Variants in CNDP1 observed in about 807,000 individuals in gnomAD.
CNDP1 encodes the protein beta-Ala-His dipeptidase.
A neutral mutation model predicts 58.1 loss-of-function variants in CNDP1; 44 were observed. The observed-to-expected ratio is 0.76, with a 90% CI of 0.60 to 0.97. The LOEUF (loss-of-function observed/expected upper bound fraction) is 0.97. CNDP1 is among the 50% of genes least tolerant of loss of function. The pLI is 0.00. For missense variants in CNDP1, 616 were observed against 655.1 expected (o/e 0.94, Z 0.65); for synonymous variants, 254 against 252.6 (o/e 1.01, Z -0.05).
chr18:74,583,448 A>G, intron 10 of CNDP1, 113 bp from the exon 11 acceptor site: 2 of 858,986 alleles, frequency 2.3e-6, no homozygotes, highest in East Asian at 2.5e-5. Context: ...GTAAAAAAAG[A>G]AAGATTAACA....
chr18:74,575,831 ATGTGTGTG>A (rs386388202), intron 7 of CNDP1, among the ~76,000 whole-genome samples: 6 of 94,264 alleles, frequency 6.4e-5, no homozygotes, highest in African/African-American at 1.2e-4. Context: ...GTGTGTATAC[ATGTGTGTG>A]TGTGTGTGTG....
chr18:74,575,736 TGCGTGTGTGC>T (rs1981615105), intron 7 of CNDP1, among the ~76,000 whole-genome samples: 1 of 152,178 alleles, frequency 6.6e-6, no homozygotes, highest in Admixed American at 6.5e-5. Flanking sequence ...TGTGTGTGTG[TGCGTGTGTGC>T]GCGTGTGTGA....
chr18:74,563,318 G>A (rs1165274073), intron 5 of CNDP1, among the ~76,000 whole-genome samples: 1 of 151,862 alleles, frequency 6.6e-6, no homozygotes, highest in Admixed American at 6.6e-5. Context: ...CTGAGCATTC[G>A]ATGTGGCCTT....
rs185401033 is a variant in CNDP1 at position 74,568,468 on chromosome 18, A to G, written c.756+1035A>G. On this transcript the variant is annotated intron_variant, in intron 6 of 11. Coordinates refer to ENST00000358821, the MANE Select transcript of CNDP1 (RefSeq NM_032649.6). Reference sequence around the variant, plus strand: ...GCTTTCAAGAAACATGGCTGTGAAAAGTGGGAGACAGCTGGGATGATGGCT... The same window carrying G: ...GCTTTCAAGAAACATGGCTGTGAAAGGTGGGAGACAGCTGGGATGATGGCT... 4.2e-3 allele frequency among the ~76,000 whole-genome samples: 647 copies of G among 152,302 alleles called. 7 individuals are homozygous for G. The highest frequency in any genetic ancestry group is 6.9e-3 in the Non-Finnish European group (472 of 68,028).
intron 9 of CNDP1, among the ~76,000 whole-genome samples, chr18:74,578,861 T>C (rs924461754): frequency 2.0e-5 from 3 of 152,152 alleles, no homozygotes; most frequent in African/African-American, 7.2e-5. Context: ...AATTAACACT[T>C]TGGAAGCAGT....
intron 2 of CNDP1, 49 bp downstream of exon 2, chr18:74,556,515 C>G (rs1274797517): frequency 6.2e-7 from 1 of 1,604,394 alleles, no homozygotes; most frequent in Non-Finnish European, 8.5e-7. Flanking sequence ...TGGATTATAT[C>G]CTTTGGTATT....
chr18:74,577,522 T>C (rs1981663461), intron 8 of CNDP1: 2 of 152,722 alleles, frequency 1.3e-5, no homozygotes, highest in Admixed American at 6.5e-5. Context: ...AAATTTCGAA[T>C]TGTTTTGCTT....
In CNDP1 at chr18:74,584,789, C is replaced by G; in HGVS notation, c.*227C>G. The G allele has an allele frequency of 2.1e-6, 1 of 486,084 alleles. No individual in the cohort carries two copies. Among genetic ancestry groups the G allele is most frequent in the Non-Finnish European group, 3.7e-6 (1 of 270,822 alleles). 30.1% of individuals were successfully genotyped at this position (486,084 alleles called of 1,614,324 possible). A position where few individuals can be genotyped will look rare whatever the true frequency, so the allele number is the denominator to read the frequency against. On this transcript the variant is annotated 3_prime_UTR_variant, in exon 12 of 12. Transcript: ENST00000358821. ...ACTGCACACCTTCCTCAAGTCATAG[C>G]TGCTTGCAGCAACTTGATTTCCCCA...
chr18:74,559,414 C>T lies in CNDP1; in HGVS notation c.245C>T (p.Ala82Val), dbSNP rs200047310. 1.7e-5 allele frequency: 27 copies of T among 1,613,164 alleles called. No individual in the cohort carries two copies. Among genetic ancestry groups the T allele is most frequent in the African/African-American group, 5.3e-5 (4 of 74,904 alleles). The change falls in exon 3 of 12, where the codon GCG (alanine) becomes GTG (valine). Residue 82 changes from alanine to valine, a missense_variant. Physicochemically the swap from Ala to Val is moderately conservative, Grantham distance 64. Transcript: ENST00000358821. ...CTCTTCAGAATGATGGCCGTGGCTG[C>T]GGACACGCTGCAGCGCCTGGGGGCC... ...QELFRMMAVA[A>V]DTLQRLGARV...
At chr18:74,565,207 C>T (rs1416067558) in intron 5 of CNDP1, among the ~76,000 whole-genome samples, 2 of 152,218 alleles carry the variant, frequency 1.3e-5, no homozygotes, top group Admixed American at 1.3e-4. Context: ...GGGTCCCTCC[C>T]ACAACATGTA....
At chr18:74,538,100 C>T (rs1980527722) in intron 1 of CNDP1, among the ~76,000 whole-genome samples, 1 of 152,202 alleles carries the variant, frequency 6.6e-6, no homozygotes, top group African/African-American at 2.4e-5. Flanking sequence ...AGTATATTCA[C>T]TGACATGTGC....
chr18:74,572,817 A>G (rs1981518219), intron 7 of CNDP1, among the ~76,000 whole-genome samples: 1 of 140,146 alleles, frequency 7.1e-6, no homozygotes, highest in Admixed American at 7.5e-5. Context: ...AAAAAGAAAG[A>G]AAGAAAGAAA....
At chr18:74,544,562 C>A (rs1325363854) in intron 1 of CNDP1, among the ~76,000 whole-genome samples, 1 of 151,572 alleles carries the variant, frequency 6.6e-6, no homozygotes, top group Non-Finnish European at 1.5e-5. Context: ...ACTAAAAATT[C>A]AAAAACTTAG....
At chr18:74,569,328 G>C (rs1468750027) in intron 6 of CNDP1, among the ~76,000 whole-genome samples, 1 of 152,172 alleles carries the variant, frequency 6.6e-6, no homozygotes, top group African/African-American at 2.4e-5. Flanking sequence ...ATGAACTGAA[G>C]AATCAACTTC....
chr18:74,578,099 A>C, intron 8 of CNDP1, 64 bp from the exon 9 acceptor site: 1 of 1,494,784 alleles, frequency 6.7e-7, no homozygotes, highest in Admixed American at 2.0e-5. Flanking sequence ...GGGTGGTAAC[A>C]CAAGCAACCC....
chr18:74,538,169 C>A (rs1364051049), intron 1 of CNDP1, among the ~76,000 whole-genome samples: 1 of 152,232 alleles, frequency 6.6e-6, no homozygotes, highest in East Asian at 1.9e-4. Context: ...AACCCATACC[C>A]TTTAGCTATG....
At chr18:74,570,211 A>AT (rs1981439831) in intron 6 of CNDP1, among the ~76,000 whole-genome samples, 1 of 72,670 alleles carries the variant, frequency 1.4e-5, no homozygotes, top group Non-Finnish European at 2.6e-5. Context: ...AATAATAATA[A>AT]TAATAATTAA....
At chr18:74,578,617 A>T (rs554865943) in intron 9 of CNDP1, among the ~76,000 whole-genome samples, 22 of 152,312 alleles carry the variant, frequency 1.4e-4, no homozygotes, top group African/African-American at 5.1e-4. Context: ...ACAGAGCAAG[A>T]CACTGTCTCT....
intron 6 of CNDP1, among the ~76,000 whole-genome samples, chr18:74,570,033 C>CAAAAAAAAAAAAA (rs56365298): frequency 1.1e-5 from 1 of 94,146 alleles, no homozygotes; most frequent in African/African-American, 4.3e-5. Flanking sequence ...GAAGAAAATA[C>CAAAAAAAAAAAAA]AAAAAAAAAA....
Sources: gnomAD v4.1 joint callset for allele counts (sites outside exome capture counted in the v4.1 genomes callset) on GRCh38, gnomAD v4.1.1 for gene constraint, MANE v1.5 for transcripts, NCBI Gene and HGNC (gene_info 2026-07-23, HGNC 2026-07-21) for gene names.